UTRN: variants seen among roughly 807,000 people sequenced by gnomAD.
UTRN encodes utrophin, also known as dystrophin-related protein 1.
UTRN carries 283 observed loss-of-function variants against 463.9 expected under a neutral mutation model. The observed-to-expected ratio is 0.61, with a 90% CI of 0.55 to 0.67. The LOEUF is 0.67. Among genes scored for constraint, UTRN ranks in the 30% least tolerant of loss-of-function variants. The pLI is 0.00. For missense variants in UTRN, 3,922 were observed against 4,084.3 expected, an observed-to-expected ratio of 0.96 and a Z score of 1.08; for synonymous variants, 1,442 against 1,431.5, an observed-to-expected ratio of 1.01 and a Z score of -0.17.
At chr6:144,418,505 G>A (rs900158186) in intron 3 of UTRN, among the ~76,000 whole-genome samples, 3 of 151,830 alleles carry the variant, frequency 2.0e-5, no homozygotes, top group African/African-American at 4.8e-5. Context: ...TTACAGGCGT[G>A]AGCCATCGTG....
intron 17 of UTRN, 81 bp from the exon 18 acceptor site, chr6:144,451,289 G>GC (rs1028121097): frequency 6.6e-7 from 1 of 1,509,304 alleles, no homozygotes; most frequent in African/African-American, 1.4e-5. Flanking sequence ...TTCCTGATGA[G>GC]CATTTGAGTT....
At chr6:144,434,887 C>T (rs894632679) in intron 9 of UTRN, among the ~76,000 whole-genome samples, 8 of 152,098 alleles carry the variant, frequency 5.3e-5, no homozygotes, top group East Asian at 1.9e-4. Context: ...GCCAGCTCTC[C>T]GGGCTTACTT....
At chr6:144,373,806 T>C (rs1475651604) in intron 2 of UTRN, among the ~76,000 whole-genome samples, 1 of 152,224 alleles carries the variant, frequency 6.6e-6, no homozygotes, top group East Asian at 1.9e-4. Flanking sequence ...ACAAAATCAA[T>C]TCCATTCATT....
chr6:144,596,391 A>G (rs972764935), intron 51 of UTRN, among the ~76,000 whole-genome samples: 3 of 152,138 alleles, frequency 2.0e-5, no homozygotes, highest in Non-Finnish European at 2.9e-5. Flanking sequence ...TTAATAACCT[A>G]TGGTGACTTT....
rs1176323191 is a variant in UTRN, at chr6:144,459,236, G to A, written c.2589G>A (p.Ser863=). The change falls in exon 21 of 75, where the codon TCG becomes TCA. Residue 863 remains serine (S), a synonymous_variant. Transcript: ENST00000367545. The part of the protein sequence containing the change: ...PKIEMARASC[S]ALMSQPSAPD... Reference sequence around the variant, plus strand: ...TTGAAATGGCTCGTGCAAGCTGCTCGGCCCTGATGTCTCAGCCTTCTGCCC... The same window carrying A: ...TTGAAATGGCTCGTGCAAGCTGCTCAGCCCTGATGTCTCAGCCTTCTGCCC... 9 of 1,614,016 alleles carry A rather than the reference G, an allele frequency of 5.6e-6. No homozygotes were observed. Among genetic ancestry groups the A allele is most frequent in the Middle Eastern group, 3.3e-4 (2 of 6,060 alleles).
chr6:144,748,447 G>T lies in UTRN; in HGVS notation c.8141G>T (p.Arg2714Leu). ...GACATGAAGGAGGCAGAGTCCGTGC[G>T]GAATGGCTGGAAGCCCGTGGGAGAC... ...DADMKEAESV[R>L]NGWKPVGDLL... Residue 2714 changes from arginine (R) to leucine (L), a missense_variant, in exon 55 of 75, where the codon CGG becomes CTG. Arg to Leu is a moderately radical substitution (Grantham distance 102, BLOSUM62 -2). Coordinates refer to ENST00000367545, the MANE Select transcript of UTRN (RefSeq NM_007124.3). 6.2e-7 allele frequency: 1 copy of T among 1,613,942 alleles called. No individual in the cohort carries two copies. The highest frequency in any genetic ancestry group is 8.5e-7 in the Non-Finnish European group (1 of 1,179,922).
At chr6:144,764,516 C>T (rs756123840) in intron 58 of UTRN, among the ~76,000 whole-genome samples, 3 of 152,018 alleles carry the variant, frequency 2.0e-5, no homozygotes, top group Non-Finnish European at 4.4e-5. Flanking sequence ...CCTTACTGGG[C>T]AATTTGATTT....
At chr6:144,558,679 T>C (rs9399479) in intron 50 of UTRN, among the ~76,000 whole-genome samples, 81,019 of 151,698 alleles carry the variant, frequency 0.53, 23,501 homozygotes, top group East Asian at 0.85. Flanking sequence ...CAAAGCAGGT[T>C]AGAGAATTTC....
At position 144,285,616 on chromosome 6, in the gene UTRN, A is replaced by G. The variant is rs1380362170; in HGVS notation, c.-298A>G. ...AAGGGGCGTTTTCAGTCGGGTGTCAATTTCTCTTTCTTTCTTTCTTTTTTT... is the reference window on the plus strand; with the variant it reads ...AAGGGGCGTTTTCAGTCGGGTGTCAGTTTCTCTTTCTTTCTTTCTTTTTTT... On this transcript the variant is annotated 5_prime_UTR_variant, in exon 1 of 75. Coordinates refer to ENST00000367545, the MANE Select transcript of UTRN (RefSeq NM_007124.3). 1.3e-5 allele frequency: 2 copies of G among 151,880 alleles called. No homozygotes were observed. Among genetic ancestry groups the G allele is most frequent in the Non-Finnish European group, 2.9e-5 (2 of 67,982 alleles). The allele number at this position is 151,880 out of a possible 1,614,324, so 9.4% of individuals were successfully genotyped here.
intron 54 of UTRN, among the ~76,000 whole-genome samples, chr6:144,733,127 A>C (rs2128715842): frequency 6.6e-6 from 1 of 152,326 alleles, no homozygotes; most frequent in South Asian, 2.1e-4. Context: ...CATATGTTGC[A>C]CTCTGAAGAT....
Position 144,539,317 on chromosome 6 carries a change from A to G in UTRN, c.6393A>G (p.Val2131=), listed in dbSNP as rs1797801397. 1 of 1,612,552 alleles carries G rather than the reference A, an allele frequency of 6.2e-7. No individual in the cohort carries two copies. ...ELRDLTQEME[V]HAEKLKWLNR... ...AGGACTTAACTCAAGAAATGGAAGT[A>G]CATGCTGAAAAACTCAAATGGCTGA... Residue 2131 remains valine (V), a synonymous_variant, in exon 45 of 75, where the codon GTA becomes GTG. Coordinates refer to ENST00000367545, the MANE Select transcript of UTRN (RefSeq NM_007124.3).
chr6:144,633,383 C>T (rs1776747645), intron 51 of UTRN, among the ~76,000 whole-genome samples: 1 of 152,162 alleles, frequency 6.6e-6, no homozygotes, highest in Non-Finnish European at 1.5e-5. Context: ...GCACCTGCAA[C>T]CACGCCCGGC....
intron 73 of UTRN, among the ~76,000 whole-genome samples, chr6:144,841,877 C>T (rs555232801): frequency 1.6e-4 from 24 of 151,948 alleles, no homozygotes; most frequent in African/African-American, 4.1e-4. Flanking sequence ...TTTGGGAGGG[C>T]GAGGCAGGTG....
intron 52 of UTRN, among the ~76,000 whole-genome samples, chr6:144,685,178 C>T (rs528575506): frequency 4.3e-4 from 65 of 152,274 alleles, no homozygotes; most frequent in African/African-American, 1.5e-3. Context: ...TGGCCTCCAG[C>T]TCCATTCAAG....
chr6:144,809,822 G>A (rs1778455684), intron 65 of UTRN, among the ~76,000 whole-genome samples: 1 of 152,140 alleles, frequency 6.6e-6, no homozygotes, highest in African/African-American at 2.4e-5. Context: ...GGAAAAGGGT[G>A]TGTAGGAGAG....
chr6:144,590,964 A>G (rs988704485), intron 51 of UTRN, among the ~76,000 whole-genome samples: 4 of 152,106 alleles, frequency 2.6e-5, no homozygotes, highest in Non-Finnish European at 2.9e-5. Context: ...AGCCTGGCAC[A>G]TATCTGCTAT....
chr6:144,393,217 A>G (rs1178838753), intron 2 of UTRN, among the ~76,000 whole-genome samples: 1 of 152,206 alleles, frequency 6.6e-6, no homozygotes, highest in Non-Finnish European at 1.5e-5. Context: ...TAGTTTTGCC[A>G]ATTAGGTACC....
chr6:144,332,255 T>C (rs1776387968), intron 2 of UTRN, among the ~76,000 whole-genome samples: 1 of 152,226 alleles, frequency 6.6e-6, no homozygotes, highest in African/African-American at 2.4e-5. Context: ...TCCCCAAGAC[T>C]GTGCTCTCCA....
At chr6:144,517,075 T>TAACACACACTAGAAA in intron 39 of UTRN, 127 bp downstream of exon 39, 7 of 798,678 alleles carry the variant, frequency 8.8e-6, no homozygotes, top group Non-Finnish European at 1.2e-5. Flanking sequence ...TCCTTTCTAG[T>TAACACACACTAGAAA]GTGTGTTACT....
Sources: allele counts gnomAD v4.1 joint callset (sites outside exome capture counted in the v4.1 genomes callset), GRCh38; gene constraint gnomAD v4.1.1; transcripts MANE v1.5; gene names NCBI Gene and HGNC (gene_info 2026-07-23, HGNC 2026-07-21).